Variants in ATF7IP observed in about 807,000 individuals in gnomAD.
ATF7IP encodes the protein activating transcription factor 7 interacting protein.
Under a neutral mutation model 106.4 loss-of-function variants are expected in ATF7IP, and 23 were observed. That is an observed-to-expected ratio of 0.22 (90% CI 0.16 to 0.31). The LOEUF (loss-of-function observed/expected upper bound fraction) is 0.31. Ranked by LOEUF, ATF7IP falls within the 10% of genes least tolerant of loss-of-function variation. The pLI is 1.00. For missense variants in ATF7IP, 1,334 were observed against 1,524.3 expected (o/e 0.88, Z 2.08); for synonymous variants, 542 against 539.0 (o/e 1.01, Z -0.08).
intron 1 of ATF7IP, among the ~76,000 whole-genome samples, chr12:14,381,138 T>G (rs1279501040): frequency 6.6e-6 from 1 of 152,246 alleles, no homozygotes; most frequent in African/African-American, 2.4e-5. Flanking sequence ...ATTTTCAGAT[T>G]TCTGCCAGGT....
chr12:14,423,486 C>T (rs1007550885), intron 1 of ATF7IP, among the ~76,000 whole-genome samples: 21 of 149,494 alleles, frequency 1.4e-4, no homozygotes, highest in Non-Finnish European at 2.2e-4. Flanking sequence ...TTTCTTAATT[C>T]TTCCTCCTTT....
chr12:14,467,442 AG>A (rs1943876324), intron 10 of ATF7IP, among the ~76,000 whole-genome samples: 1 of 152,158 alleles, frequency 6.6e-6, no homozygotes, highest in African/African-American at 2.4e-5. Flanking sequence ...TTAACTTCTT[AG>A]AAATGTTAGC....
intron 13 of ATF7IP, among the ~76,000 whole-genome samples, chr12:14,485,431 T>C (rs1944570569): frequency 6.6e-6 from 1 of 152,094 alleles, no homozygotes; most frequent in African/African-American, 2.4e-5. Flanking sequence ...CTGCATTTAG[T>C]AGGATTTATT....
chr12:14,437,249 T>C (rs1320762799), intron 4 of ATF7IP, among the ~76,000 whole-genome samples: 1 of 152,210 alleles, frequency 6.6e-6, no homozygotes, highest in Non-Finnish European at 1.5e-5. Context: ...CAAGGTCTTA[T>C]ATATTTAAGG....
intron 6 of ATF7IP, among the ~76,000 whole-genome samples, chr12:14,453,804 T>G (rs754142281): frequency 6.6e-6 from 1 of 152,122 alleles, no homozygotes; most frequent in Non-Finnish European, 1.5e-5. Context: ...TTTGTATGTT[T>G]AGTAGATACA....
intron 1 of ATF7IP, among the ~76,000 whole-genome samples, chr12:14,404,132 C>CT (rs11344521): frequency 0.53 from 77,049 of 146,302 alleles, 20,576 homozygotes; most frequent in African/African-American, 0.65. Flanking sequence ...CATTTGTAAG[C>CT]TTTTTTTTTT....
At position 14,425,031 on chromosome 12, in the gene ATF7IP, G is replaced by A; in HGVS notation, c.1116G>A (p.Glu372=). Residue 372 remains glutamate, a synonymous_variant, in exon 2 of 15, where the codon GAG becomes GAA. Transcript: ENST00000261168. ...CTCCTGAAAATGAAAAGAAGGTAGA[G>A]GAAGATATTATCACAGAGCTTGCTC... ...DRPPENEKKV[E]EDIITELALG... 6.2e-7 allele frequency: 1 copy of A among 1,611,054 alleles called. No homozygotes were observed. Among genetic ancestry groups the A allele is most frequent in the Non-Finnish European group, 8.5e-7 (1 of 1,179,256 alleles).
intron 3 of ATF7IP, among the ~76,000 whole-genome samples, chr12:14,435,762 A>T (rs985197049): frequency 6.6e-6 from 1 of 152,208 alleles, no homozygotes; most frequent in Non-Finnish European, 1.5e-5. Context: ...CAGAGGATTC[A>T]TGTGCACTGT....
chr12:14,402,068 T>C (rs1339107617), intron 1 of ATF7IP, among the ~76,000 whole-genome samples: 1 of 151,678 alleles, frequency 6.6e-6, no homozygotes, highest in African/African-American at 2.4e-5. Context: ...GAATTTTCTT[T>C]TTTTTTTCTT....
intron 10 of ATF7IP, among the ~76,000 whole-genome samples, chr12:14,467,443 G>T (rs10437802): frequency 6.6e-6 from 1 of 152,196 alleles, no homozygotes; most frequent in Non-Finnish European, 1.5e-5. Flanking sequence ...TAACTTCTTA[G>T]AAATGTTAGC....
intron 1 of ATF7IP, among the ~76,000 whole-genome samples, chr12:14,406,738 C>T (rs1940610891): frequency 6.9e-6 from 1 of 144,672 alleles, no homozygotes; most frequent in Non-Finnish European, 1.5e-5. Context: ...GATCTCAGCT[C>T]ACTGCCACCA....
In ATF7IP at chr12:14,446,947, A is replaced by G. The variant is rs757826003; in HGVS notation, c.1930-41A>G. The G allele has an allele frequency of 3.6e-6, 5 of 1,384,260 alleles. No homozygotes were observed. The Admixed American group carries it at 8.0e-5, about 22-fold the overall frequency. 85.7% of individuals were successfully genotyped at this position (1,384,260 alleles called of 1,614,324 possible). A position where few individuals can be genotyped will look rare whatever the true frequency, so the allele number is the denominator to read the frequency against. Reference sequence around the variant, plus strand: ...TTTTTTTTTTTAATGCTGTAATACTATTTGATTTCCATTCATTTTTGTCTT... The same window carrying G: ...TTTTTTTTTTTAATGCTGTAATACTGTTTGATTTCCATTCATTTTTGTCTT... On this transcript the variant is annotated intron_variant, in intron 5 of 14. Transcript: ENST00000261168.
At position 14,490,273 on chromosome 12, in the gene ATF7IP, A is replaced by G. The variant is rs541460343; in HGVS notation, c.3281-5958A>G. On this transcript the variant is annotated intron_variant, in intron 13 of 14. Transcript: ENST00000261168. ...TGATTATTAATATCCTCCTCTGCTG[A>G]GGTTACCCATTGGTGAGCATTCACA... Among the ~76,000 whole-genome samples the G allele has an allele frequency of 3.3e-5, 5 of 152,296 alleles. No individual in the cohort carries two copies. The East Asian group carries it at 9.7e-4, about 29-fold the overall frequency.
intron 1 of ATF7IP, among the ~76,000 whole-genome samples, chr12:14,380,215 A>AT (rs1431963345): frequency 2.0e-5 from 3 of 151,694 alleles, no homozygotes; most frequent in East Asian, 1.9e-4. Context: ...GCATATATTC[A>AT]TTTTTTTGAA....
chr12:14,414,065 G>A (rs554783127), intron 1 of ATF7IP, among the ~76,000 whole-genome samples: 2 of 152,058 alleles, frequency 1.3e-5, no homozygotes, highest in South Asian at 4.1e-4. Context: ...TTTATTCTAT[G>A]GTGGTTGTAT....
chr12:14,407,727 C>T (rs1278805704), intron 1 of ATF7IP, among the ~76,000 whole-genome samples: 2 of 152,162 alleles, frequency 1.3e-5, no homozygotes, highest in East Asian at 1.9e-4. Context: ...TTTTACTTGA[C>T]ACAATCTTAA....
At chr12:14,492,909 T>C (rs1565558480) in intron 13 of ATF7IP, among the ~76,000 whole-genome samples, 1 of 152,214 alleles carries the variant, frequency 6.6e-6, no homozygotes, top group African/African-American at 2.4e-5. Flanking sequence ...CTCACAAATC[T>C]GTTTCGCAAG....
intron 1 of ATF7IP, among the ~76,000 whole-genome samples, chr12:14,403,270 A>C (rs1169571874): frequency 6.6e-6 from 1 of 152,200 alleles, no homozygotes; most frequent in Non-Finnish European, 1.5e-5. Context: ...ATTGTCAATA[A>C]ATTTCCTAAT....
chr12:14,385,512 T>C, intron 1 of ATF7IP: 2 of 929,392 alleles, frequency 2.2e-6, no homozygotes, highest in South Asian at 1.6e-5. Flanking sequence ...TTTTAAAAAG[T>C]TGAAATGTTT....
Sources: allele counts gnomAD v4.1 joint callset (sites outside exome capture counted in the v4.1 genomes callset), GRCh38; gene constraint gnomAD v4.1.1; transcripts MANE v1.5; gene names NCBI Gene and HGNC (gene_info 2026-07-23, HGNC 2026-07-21).